LACRT: variants seen among roughly 807,000 people sequenced by gnomAD.
LACRT encodes the protein extracellular glycoprotein lacritin.
LACRT carries 14 observed loss-of-function variants against 14.5 expected under a neutral mutation model. The observed-to-expected ratio is 0.96, with a 90% confidence interval of 0.64 to 1.51. The LOEUF is 1.51. Ranked by LOEUF, LACRT falls within the 40% of genes most tolerant of loss-of-function variation. LACRT has a pLI of 0.00. For missense variants in LACRT, 156 were observed against 161.8 expected (o/e 0.96, Z 0.19); for synonymous variants, 70 against 63.5 (o/e 1.10, Z -0.48).
chr12:54,631,818 ATAC>A lies in LACRT; in HGVS notation c.272_274del (p.Ser91del). ...TGCAAGGGCTTGTTCTGTTAGTAAG[ATAC>A]TTTTCTCCACTATGGATTCTAATTT... is the stretch of plus-strand genomic sequence containing the variant. On this transcript the variant is annotated inframe_deletion, in exon 4 of 5. Transcript: ENST00000257867. 6.2e-7 allele frequency: 1 copy of A among 1,613,440 alleles called. No individual in the cohort carries two copies.
At chr12:54,633,591 G>A (rs1454433861) in intron 1 of LACRT, among the ~76,000 whole-genome samples, 1 of 152,166 alleles carries the variant, frequency 6.6e-6, no homozygotes, top group Non-Finnish European at 1.5e-5. Context: ...AGGACAGTAT[G>A]TGGGGGTTAT....
intron 2 of LACRT, among the ~76,000 whole-genome samples, chr12:54,632,709 T>G (rs1958161194): frequency 6.6e-6 from 1 of 151,860 alleles, no homozygotes; most frequent in African/African-American, 2.4e-5. Flanking sequence ...GAGTAAGAGG[T>G]CAGGCGAAGG....
chr12:54,634,589 A>G (rs1958175787), intron 1 of LACRT, among the ~76,000 whole-genome samples, 195 bp downstream of exon 1: 1 of 152,168 alleles, frequency 6.6e-6, no homozygotes. Context: ...GAGGGCAGGC[A>G]GAGGCCAGAG....
At position 54,630,880 on chromosome 12, in the gene LACRT, C is replaced by G; in HGVS notation, c.*12G>C. 5 of 1,595,898 alleles carry G rather than the reference C, an allele frequency of 3.1e-6. No homozygotes were observed. The highest frequency in any genetic ancestry group is 3.4e-6 in the Non-Finnish European group (4 of 1,163,492). ...AGGCTTTAAGTCCAATGATCCCATT[C>G]TTTTCAGCTTCTCATGCCCATGGTT... is the stretch of plus-strand genomic sequence containing the variant. On this transcript the variant is annotated 3_prime_UTR_variant, in exon 5 of 5. Coordinates refer to ENST00000257867, the MANE Select transcript of LACRT (RefSeq NM_033277.2).
chr12:54,632,014 A>G (rs1437137503), intron 3 of LACRT, 175 bp from the exon 4 acceptor site: 4 of 648,436 alleles, frequency 6.2e-6, no homozygotes, highest in African/African-American at 3.7e-5. Context: ...TCTCATAGGA[A>G]GTTGTGTGAG....
rs1958164560 is a variant in LACRT, at chr12:54,633,190, T to C, written c.102A>G (p.Glu34=). 1.2e-6 allele frequency: 2 copies of C among 1,613,854 alleles called. No homozygotes were observed. Among genetic ancestry groups the C allele is most frequent in the East Asian group, 2.2e-5 (1 of 44,886 alleles). Reference sequence around the variant, plus strand: ...GAGAGGAGGACTCACAGGTCCCAGCTTCCTGGGCAGGATCAGCACCCGTCG... The same window carrying C: ...GAGAGGAGGACTCACAGGTCCCAGCCTCCTGGGCAGGATCAGCACCCGTCG... ...SDSTGADPAQ[E]AGTSKPNEEI... The change falls in exon 2 of 5, where the codon GAA becomes GAG. Residue 34 remains glutamate, a synonymous_variant. Transcript: ENST00000257867.
chr12:54,634,129 G>A (rs1958172185), intron 1 of LACRT, among the ~76,000 whole-genome samples: 2 of 152,140 alleles, frequency 1.3e-5, no homozygotes, highest in Non-Finnish European at 2.9e-5. Flanking sequence ...AAGGCAGTCG[G>A]ATCACCTGAG....
chr12:54,631,611 G>T (rs1958152185), intron 4 of LACRT, 127 bp downstream of exon 4: 8 of 715,384 alleles, frequency 1.1e-5, no homozygotes, highest in Non-Finnish European at 2.0e-5. Context: ...AACAGCAGGG[G>T]CTGTGGCAAT....
At chr12:54,634,031 T>C (rs1287275666) in intron 1 of LACRT, among the ~76,000 whole-genome samples, 1 of 152,068 alleles carries the variant, frequency 6.6e-6, no homozygotes, top group Non-Finnish European at 1.5e-5. Flanking sequence ...AGGATCATCA[T>C]GGCCCAAATA....
intron 1 of LACRT, among the ~76,000 whole-genome samples, chr12:54,633,549 T>G (rs1424108757): frequency 6.6e-6 from 1 of 152,132 alleles, no homozygotes; most frequent in East Asian, 1.9e-4. Context: ...CTGGCCATGG[T>G]CAGAGGGGCT....
At chr12:54,632,169 T>G in intron 3 of LACRT, 72 bp downstream of exon 3, 1 of 1,548,734 alleles carries the variant, frequency 6.5e-7, no homozygotes, top group Non-Finnish European at 8.9e-7. Context: ...TCTCTGTGCG[T>G]GGAGGTGTGA....
At chr12:54,631,032 A>G (rs1958149366) in intron 4 of LACRT, 79 bp from the exon 5 acceptor site, 2 of 881,290 alleles carry the variant, frequency 2.3e-6, no homozygotes, top group Non-Finnish European at 3.7e-6. Flanking sequence ...CCTCAATTCC[A>G]TCTCTGCTTT....
At chr12:54,632,562 C>T (rs140362647) in intron 2 of LACRT, among the ~76,000 whole-genome samples, 181 bp from the exon 3 acceptor site, 15 of 152,242 alleles carry the variant, frequency 9.9e-5, no homozygotes, top group African/African-American at 3.1e-4. Flanking sequence ...TCTTGGAATG[C>T]AGCGGGCAGG....
rs748990896 is a variant in LACRT at position 54,631,820 on chromosome 12, AC to A, written c.272del (p.Ser91IlefsTer4). Reference sequence around the variant, plus strand: ...CAAGGGCTTGTTCTGTTAGTAAGATACTTTTCTCCACTATGGATTCTAATTT... The same window carrying A: ...CAAGGGCTTGTTCTGTTAGTAAGATATTTTCTCCACTATGGATTCTAATTT... Reference protein sequence around the residue: ...LNPLKSIVEKSILLTEQALAK... With the variant: ...LNPLKSIVEKXILLTEQALAK... On this transcript the variant is annotated frameshift_variant, in exon 4 of 5. Coordinates refer to ENST00000257867, the MANE Select transcript of LACRT (RefSeq NM_033277.2). LOFTEE classifies it high-confidence loss of function. 1.2e-6 allele frequency: 2 copies of A among 1,612,748 alleles called. No homozygotes were observed. The highest frequency in any genetic ancestry group is 1.7e-6 in the Non-Finnish European group (2 of 1,178,744).
At chr12:54,632,449 G>C in intron 2 of LACRT, 68 bp from the exon 3 acceptor site, 1 of 1,585,262 alleles carries the variant, frequency 6.3e-7, no homozygotes, top group Non-Finnish European at 8.6e-7. Context: ...ATGGGTTGCA[G>C]GGCCCCAGGA....
intron 3 of LACRT, 108 bp downstream of exon 3, chr12:54,632,133 A>T: frequency 7.7e-7 from 1 of 1,300,786 alleles, no homozygotes; most frequent in Non-Finnish European, 1.1e-6. Flanking sequence ...CAGCTGTTTG[A>T]GTCTACCTGC....
Position 54,634,817 on chromosome 12 carries a change from A to T in LACRT, c.25T>A (p.Leu9Met). The part of the protein sequence containing the change: MKFTTLLF[L>M]AAVAGALVYA... ...ACCAGGGCCCCTGCTACAGCTGCCA[A>T]GAAGAGGAGAGTGGTAAATTTCATT... Residue 9 changes from leucine (L) to methionine (M), a missense_variant, in exon 1 of 5, where the codon TTG becomes ATG. Leu to Met is a conservative substitution (Grantham distance 15). Transcript: ENST00000257867. 6.2e-7 allele frequency: 1 copy of T among 1,613,880 alleles called. No homozygotes were observed. Among genetic ancestry groups the T allele is most frequent in the Non-Finnish European group, 8.5e-7 (1 of 1,179,804 alleles).
rs1439476960 is a variant in LACRT at position 54,631,835 on chromosome 12, G to A, written c.258C>T (p.Ser86=). The A allele has an allele frequency of 2.5e-6, 4 of 1,609,832 alleles. No homozygotes were observed. The highest frequency in any genetic ancestry group is 1.7e-6 in the Non-Finnish European group (2 of 1,176,226). ...TTAGTAAGATACTTTTCTCCACTAT[G>A]GATTCTAATTTTGGAGCAGAACAAT... The part of the protein sequence containing the change: ...SSRQELNPLK[S]IVEKSILLTE... Residue 86 remains serine (S), a synonymous_variant, in exon 4 of 5, where the codon TCC becomes TCT. Transcript: ENST00000257867.
intron 1 of LACRT, among the ~76,000 whole-genome samples, chr12:54,634,196 T>C (rs1958172723): frequency 6.6e-6 from 1 of 151,726 alleles, no homozygotes; most frequent in Non-Finnish European, 1.5e-5. Flanking sequence ...CTACTAAAAA[T>C]ACAAAATTAG....
Sources: allele counts gnomAD v4.1 joint callset (sites outside exome capture counted in the v4.1 genomes callset), GRCh38; gene constraint gnomAD v4.1.1; transcripts MANE v1.5; gene names NCBI Gene and HGNC (gene_info 2026-07-23, HGNC 2026-07-21).